ADH1B: variants seen among roughly 807,000 people sequenced by gnomAD.
ADH1B encodes the protein alcohol dehydrogenase 1B (class I), beta polypeptide.
In ADH1B, 29 loss-of-function variants were observed where a neutral mutation model predicts 34.6. The ratio of observed to expected loss-of-function variants is 0.84; its 90% CI spans 0.62 to 1.14. The LOEUF is 1.14. ADH1B is among the 50% of genes most tolerant of loss of function. The pLI is 0.00. For synonymous variants in ADH1B, 170 were observed against 175.5 expected (o/e 0.97, Z 0.25); for missense variants, 424 against 468.4 (o/e 0.91, Z 0.87).
At position 99,310,807 on chromosome 4, in the gene ADH1B, T is replaced by A. The variant is rs1230206300; in HGVS notation, c.1061A>T (p.Glu354Val). 3 of 1,612,204 alleles carry A rather than the reference T, an allele frequency of 1.9e-6. No homozygotes were observed. Among genetic ancestry groups the A allele is most frequent in the Non-Finnish European group, 2.5e-6 (3 of 1,179,566 alleles). The change falls in exon 8 of 9, where the codon GAA becomes GTA. Residue 354 changes from glutamate to valine, a missense_variant. This residue lies in a region of ADH1B where 130 missense variants were observed against 151.8 expected (regional missense o/e 0.86). Coordinates refer to ENST00000305046, the MANE Select transcript of ADH1B (RefSeq NM_000668.6). ...CAGGTCAAATCCTTCATTTATTTTT[T>A]CAAAAGGTAAAACATGGGTTATTAA... Reference protein sequence around the residue: ...DALITHVLPFEKINEGFDLLH... With the variant: ...DALITHVLPFVKINEGFDLLH...
At position 99,305,351 on chromosome 4, in the gene ADH1B, T is replaced by C. The variant is rs1023251078; in HGVS notation, c.*2489A>G. On this transcript the variant is annotated 3_prime_UTR_variant, in exon 9 of 9. Coordinates refer to ENST00000305046, the MANE Select transcript of ADH1B (RefSeq NM_000668.6). The stretch of plus-strand genomic sequence containing the variant: ...TCATATATCATGAGAAGTCAAAGAA[T>C]CAAAGCAATATATTCTCACAGCCAT... 6.6e-6 allele frequency: 1 copy of C among 150,552 alleles called. No homozygotes were observed. The highest frequency in any genetic ancestry group is 2.1e-4 in the South Asian group (1 of 4,760). The allele number at this position is 150,552 out of a possible 1,614,324, so 9.3% of individuals were successfully genotyped here.
In ADH1B at chr4:99,305,523, T is replaced by TATAC. The variant is rs1334932129; in HGVS notation, c.*2316_*2317insGTAT. The TATAC allele has an allele frequency of 6.8e-5, 7 of 102,868 alleles. No individual in the cohort carries two copies. Among genetic ancestry groups the TATAC allele is most frequent in the African/African-American group, 3.0e-4 (7 of 23,358 alleles). 6.4% of individuals were successfully genotyped at this position (102,868 alleles called of 1,614,324 possible). A position where few individuals can be genotyped will look rare whatever the true frequency, so the allele number is the denominator to read the frequency against. On this transcript the variant is annotated 3_prime_UTR_variant, in exon 9 of 9. Coordinates refer to ENST00000305046, the MANE Select transcript of ADH1B (RefSeq NM_000668.6). ...ATACATATATATATATATATATATA[T>TATAC]ACAATCACTTAACTATATGAACCAC... is the stretch of plus-strand genomic sequence containing the variant.
At chr4:99,311,498 G>A (rs1428631940) in intron 7 of ADH1B, 23 bp downstream of exon 7, 1 of 1,609,970 alleles carries the variant, frequency 6.2e-7, no homozygotes, top group South Asian at 1.1e-5. Flanking sequence ...ATGAGAATTT[G>A]GCACTTGAGC....
At chr4:99,320,884 C>T (rs377299955) in intron 1 of ADH1B, 19 of 1,268,686 alleles carry the variant, frequency 1.5e-5, no homozygotes, top group Middle Eastern at 2.2e-4. Context: ...GAGTCAAATT[C>T]CTCTCATCAA....
chr4:99,311,756 T>C, intron 6 of ADH1B, 100 bp from the exon 7 acceptor site: 8 of 1,506,554 alleles, frequency 5.3e-6, no homozygotes, highest in Non-Finnish European at 7.2e-6. Context: ...ATTGTGAGTG[T>C]GTAGAGGGAA....
intron 1 of ADH1B, among the ~76,000 whole-genome samples, chr4:99,321,075 G>A (rs1184668990): frequency 6.6e-6 from 1 of 152,026 alleles, no homozygotes; most frequent in East Asian, 1.9e-4. Flanking sequence ...TTTATTTAAT[G>A]TAGGAAATAA....
intron 3 of ADH1B, 125 bp from the exon 4 acceptor site, chr4:99,316,427 A>G: frequency 1.0e-6 from 1 of 978,994 alleles, no homozygotes; most frequent in Non-Finnish European, 1.5e-6. Flanking sequence ...ATAGAGTTCA[A>G]TAATAACTAT....
In ADH1B at chr4:99,307,573, G is replaced by A. The variant is rs778750682; in HGVS notation, c.*267C>T. Reference sequence around the variant, plus strand: ...GGAATATTTTTCCTCAATGGCAAAGGTGACACAGTAGAATGGTTAAGAAGG... The same window carrying A: ...GGAATATTTTTCCTCAATGGCAAAGATGACACAGTAGAATGGTTAAGAAGG... On this transcript the variant is annotated 3_prime_UTR_variant, in exon 9 of 9. Transcript: ENST00000305046. 1.2e-5 allele frequency: 6 copies of A among 489,492 alleles called. No individual in the cohort carries two copies. The highest frequency in any genetic ancestry group is 2.2e-5 in the Non-Finnish European group (6 of 273,724). 30.3% of individuals were successfully genotyped at this position (489,492 alleles called of 1,614,324 possible).
At chr4:99,311,058 TAC>T (rs1733742667) in intron 7 of ADH1B, among the ~76,000 whole-genome samples, 155 bp from the exon 8 acceptor site, 1 of 152,206 alleles carries the variant, frequency 6.6e-6, no homozygotes, top group Non-Finnish European at 1.5e-5. Flanking sequence ...AATATGCTTT[TAC>T]AGTGTCTTGA....
chr4:99,314,157 C>T (rs1349401304), intron 5 of ADH1B, 76 bp from the exon 6 acceptor site: 8 of 1,564,318 alleles, frequency 5.1e-6, no homozygotes, highest in Admixed American at 1.9e-5. Context: ...AAGTGCCATG[C>T]GTAGGTGTTT....
Position 99,318,834 on chromosome 4 carries a change from A to T in ADH1B, c.71T>A (p.Ile24Asn), listed in dbSNP as rs750301947. Residue 24 changes from isoleucine (I) to asparagine (N), a missense_variant, in exon 2 of 9, where the codon ATT becomes AAT. Ile to Asn is a moderately radical substitution (Grantham distance 149). Transcript: ENST00000305046. ...VLWEVKKPFS[I>N]EDVEVAPPKA... is the part of the protein sequence containing the mutation. ...AGGAGGTGCAACCTCCACATCCTCA[A>T]TGGAAAAGGGTTTCTTTACCTCCCA... is the stretch of plus-strand genomic sequence containing the variant. 2 of 1,613,968 alleles carry T rather than the reference A, an allele frequency of 1.2e-6. No individual in the cohort carries two copies. The highest frequency in any genetic ancestry group is 2.7e-5 in the African/African-American group (2 of 75,032).
At position 99,316,322 on chromosome 4, in the gene ADH1B, GTTC is replaced by G. The variant is rs4147539; in HGVS notation, c.260-23_260-21del. The G allele has an allele frequency of 0.09, 145,301 of 1,605,764 alleles. 8,919 individuals are homozygous for G. Among genetic ancestry groups the G allele is most frequent in the Admixed American group, 0.31 (18,804 of 59,792 alleles). ...TATCACCTGGAGAGGAATAAAACAA[GTTC>G]TTCTTAAATTTCTATGCAGTAATTA... On this transcript the variant is annotated intron_variant, in intron 3 of 8. Transcript: ENST00000305046.
intron 5 of ADH1B, 49 bp downstream of exon 5, chr4:99,315,849 T>G (rs1733867219): frequency 6.2e-7 from 1 of 1,607,668 alleles, no homozygotes; most frequent in Non-Finnish European, 8.5e-7. Context: ...CCCTTTTGGT[T>G]TCCGACAGTC....
At chr4:99,314,996 C>T (rs2110634938) in intron 5 of ADH1B, 1 of 152,256 alleles carries the variant, frequency 6.6e-6, no homozygotes, top group African/African-American at 2.4e-5. Flanking sequence ...CATTCATTCA[C>T]CAAATATTAT....
In ADH1B at chr4:99,321,302, T is replaced by C; in HGVS notation, c.18+12A>G. 1 of 1,607,018 alleles carries C rather than the reference T, an allele frequency of 6.2e-7. No homozygotes were observed. The highest frequency in any genetic ancestry group is 1.1e-5 in the South Asian group (1 of 90,992). On this transcript the variant is annotated intron_variant, in intron 1 of 8. Transcript: ENST00000305046. Reference sequence around the variant, plus strand: ...AGAATATATTACCAACAGTAATATATTTTTTGCTTACTTTTCCTGCTGTGC... The same window carrying C: ...AGAATATATTACCAACAGTAATATACTTTTTGCTTACTTTTCCTGCTGTGC...
rs768162102 is a variant in ADH1B at position 99,313,835 on chromosome 4, G to A, written c.814C>T (p.Arg272Trp). 2.9e-5 allele frequency: 46 copies of A among 1,613,900 alleles called. No individual in the cohort carries two copies. Among genetic ancestry groups the A allele is most frequent in the Admixed American group, 6.7e-5 (4 of 60,006 alleles). The change falls in exon 6 of 9, where the codon CGG becomes TGG. Residue 272 changes from arginine to tryptophan, a missense_variant. Around this residue, in one of 3 missense-constraint regions of ADH1B, gnomAD observed 130 missense variants for 151.8 expected, o/e 0.86. Coordinates refer to ENST00000305046, the MANE Select transcript of ADH1B (RefSeq NM_000668.6). Reference protein sequence around the residue: ...GVDFSFEVIGRLDTMMASLLC... With the variant: ...GVDFSFEVIGWLDTMMASLLC... ...ATGGTACATACCATGGTGTCAAGCC[G>A]ACCGATGACTTCAAACGAAAAATCC...
Position 99,316,522 on chromosome 4 carries a change from G to A in ADH1B, c.260-220C>T. On this transcript the variant is annotated intron_variant, in intron 3 of 8. Transcript: ENST00000305046. ...ATTCCTACTGAGAAATCGCAAATGT[G>A]GGAGACCACACAGATTAAAAAAATT... 4 of 580,372 alleles carry A rather than the reference G, an allele frequency of 6.9e-6. No individual in the cohort carries two copies. In the South Asian group the frequency reaches 8.6e-5, roughly 13 times the overall value. The allele number at this position is 580,372 out of a possible 1,614,324, so 36.0% of individuals were successfully genotyped here.
Position 99,315,895 on chromosome 4 carries a change from C to CT in ADH1B, c.567+2_567+3insA, listed in dbSNP as rs745990783. On this transcript the variant is annotated splice_region_variant and intron_variant, in intron 5 of 8. Transcript: ENST00000305046. ...CAGTTTTATCACCCATTGTCATTCT[C>CT]ACCTTGGCAACGTTAACTGCAGACC... 2.5e-5 allele frequency: 40 copies of CT among 1,614,060 alleles called. No homozygotes were observed. In the African/African-American group the frequency reaches 4.9e-4, roughly 20 times the overall value.
intron 6 of ADH1B, chr4:99,313,443 T>G (rs934205769): frequency 4.8e-6 from 1 of 206,762 alleles, no homozygotes; most frequent in Non-Finnish European, 9.6e-6. Context: ...TAGGCAAAAT[T>G]GTTAAACCAT....
Sources: allele counts gnomAD v4.1 joint callset (sites outside exome capture counted in the v4.1 genomes callset), GRCh38; gene constraint gnomAD v4.1.1; regional missense constraint gnomAD v4.1.1; transcripts MANE v1.5; gene names NCBI Gene and HGNC (gene_info 2026-07-23, HGNC 2026-07-21).